MRAS: variants seen among roughly 807,000 people sequenced by gnomAD.
MRAS encodes the protein muscle RAS oncogene homolog.
In MRAS, 4 loss-of-function variants were observed where a neutral mutation model predicts 20.9. The observed-to-expected ratio is 0.19, with a 90% CI of 0.09 to 0.44. The LOEUF is 0.44. Among genes scored for constraint, MRAS ranks in the 20% least tolerant of loss-of-function variants. MRAS has a pLI of 0.99. For missense variants in MRAS, 154 were observed against 277.5 expected, an observed-to-expected ratio of 0.56 and a Z score of 3.16; for synonymous variants, 98 against 102.9, an observed-to-expected ratio of 0.95 and a Z score of 0.29.
intron 1 of MRAS, among the ~76,000 whole-genome samples, chr3:138,362,756 A>G (rs1468065831): frequency 2.6e-5 from 4 of 152,062 alleles, no homozygotes; most frequent in Admixed American, 2.6e-4. Flanking sequence ...TTCATCATGC[A>G]GTGCTTATTA....
intron 2 of MRAS, among the ~76,000 whole-genome samples, chr3:138,382,776 T>TCC (rs1560177924): frequency 6.6e-6 from 1 of 152,246 alleles, no homozygotes; most frequent in Non-Finnish European, 1.5e-5. Context: ...TTTTCCACTT[T>TCC]CCTTGCTGAC....
chr3:138,377,468 C>T (rs1199641388), intron 2 of MRAS, among the ~76,000 whole-genome samples: 2 of 152,198 alleles, frequency 1.3e-5, no homozygotes, highest in African/African-American at 4.8e-5. Context: ...ATTAGCCAGG[C>T]CTGGTGGCGC....
chr3:138,374,152 G>A (rs944356355), intron 2 of MRAS, among the ~76,000 whole-genome samples: 7 of 151,736 alleles, frequency 4.6e-5, no homozygotes, highest in African/African-American at 9.7e-5. Context: ...TAGTAGAGAC[G>A]GGGTTTCACC....
intron 1 of MRAS, among the ~76,000 whole-genome samples, chr3:138,370,698 G>C (rs1417347393): frequency 1.3e-5 from 2 of 152,172 alleles, no homozygotes; most frequent in East Asian, 3.8e-4. Flanking sequence ...AACATTTTCA[G>C]GTGGCTTGAA....
chr3:138,400,651 G>A, intron 5 of MRAS, 38 bp downstream of exon 5: 2 of 1,536,734 alleles, frequency 1.3e-6, no homozygotes, highest in Non-Finnish European at 1.8e-6. Flanking sequence ...GGCCTCCACA[G>A]CATGGGTTGG....
Position 138,372,968 on chromosome 3 carries a change from C to G in MRAS, c.85C>G (p.Leu29Val). Residue 29 changes from leucine to valine, a missense_variant, in exon 2 of 6, where the codon CTC becomes GTC. Leu to Val is a conservative substitution (Grantham distance 32). Around this residue, in one of 3 missense-constraint regions of MRAS, gnomAD observed 27 missense variants for 42.0 expected, o/e 0.64. Coordinates refer to ENST00000423968, the MANE Select transcript of MRAS (RefSeq NM_001085049.3). ...VGDGGVGKSA[L>V]TIQFFQKIFV... ...GGATGGGGGTGTGGGCAAAAGTGCCCTCACCATCCAGTTTTTCCAGAAGAT... is the reference window on the plus strand; with the variant it reads ...GGATGGGGGTGTGGGCAAAAGTGCCGTCACCATCCAGTTTTTCCAGAAGAT... 1.9e-6 allele frequency: 3 copies of G among 1,572,362 alleles called. No homozygotes were observed. The highest frequency in any genetic ancestry group is 1.7e-6 in the Non-Finnish European group (2 of 1,161,942).
chr3:138,372,481 G>T (rs544179094), intron 1 of MRAS, among the ~76,000 whole-genome samples: 2 of 152,124 alleles, frequency 1.3e-5, no homozygotes, highest in Non-Finnish European at 2.9e-5. Context: ...AATAAGAGGG[G>T]ATGTGAAAGA....
At chr3:138,349,513 G>T (rs1444902693) in intron 1 of MRAS, 1 of 152,398 alleles carries the variant, frequency 6.6e-6, no homozygotes, top group East Asian at 1.9e-4. Context: ...TGGACACCCA[G>T]TTAGACTCTG....
At chr3:138,362,830 T>G (rs1164920841) in intron 1 of MRAS, among the ~76,000 whole-genome samples, 5 of 152,174 alleles carry the variant, frequency 3.3e-5, no homozygotes, top group African/African-American at 1.2e-4. Context: ...ATCCCTTGTT[T>G]CCAGGGAGCC....
chr3:138,368,624 A>C (rs2054613190), intron 1 of MRAS, among the ~76,000 whole-genome samples: 2 of 152,068 alleles, frequency 1.3e-5, no homozygotes, highest in African/African-American at 2.4e-5. Context: ...TCATCCTCAA[A>C]AGTGAAGACC....
At chr3:138,354,784 T>C (rs1276410432) in intron 1 of MRAS, among the ~76,000 whole-genome samples, 1 of 151,684 alleles carries the variant, frequency 6.6e-6, no homozygotes, top group African/African-American at 2.4e-5. Flanking sequence ...AACAAAATGC[T>C]TTTTGTTGTT....
intron 2 of MRAS, among the ~76,000 whole-genome samples, chr3:138,375,079 A>G (rs889829937): frequency 1.3e-5 from 2 of 152,036 alleles, no homozygotes; most frequent in African/African-American, 2.4e-5. Flanking sequence ...ATTGGGGGGA[A>G]TCTCCCATTG....
chr3:138,379,973 C>T (rs1171500725), intron 2 of MRAS, among the ~76,000 whole-genome samples: 1 of 152,220 alleles, frequency 6.6e-6, no homozygotes, highest in African/African-American at 2.4e-5. Context: ...CTTTTCTCCA[C>T]ATCTTCCCTA....
chr3:138,397,307 G>T lies in MRAS; in HGVS notation c.194-17G>T. 3.1e-6 allele frequency: 5 copies of T among 1,613,298 alleles called. No individual in the cohort carries two copies. The highest frequency in any genetic ancestry group is 3.4e-6 in the Non-Finnish European group (4 of 1,179,628). On this transcript the variant is annotated splice_polypyrimidine_tract_variant and intron_variant, in intron 2 of 5. Transcript: ENST00000423968. ...GGTAGGTGAGGACAGCCCCTGAGTGGCCTCATCCCACCCCAGTTCTGGACA... is the reference window on the plus strand; with the variant it reads ...GGTAGGTGAGGACAGCCCCTGAGTGTCCTCATCCCACCCCAGTTCTGGACA...
chr3:138,398,629 C>T, intron 4 of MRAS, 61 bp downstream of exon 4: 1 of 1,425,728 alleles, frequency 7.0e-7, no homozygotes, highest in Non-Finnish European at 9.9e-7. Context: ...AGCCTGGTCA[C>T]CCCTGCAGTC....
At chr3:138,362,338 C>A (rs979961661) in intron 1 of MRAS, among the ~76,000 whole-genome samples, 4 of 152,104 alleles carry the variant, frequency 2.6e-5, no homozygotes, top group Admixed American at 1.3e-4. Context: ...TAGCCTGTGC[C>A]CTTGGTAGAA....
intron 1 of MRAS, among the ~76,000 whole-genome samples, chr3:138,356,888 C>T (rs2054345528): frequency 6.6e-6 from 1 of 152,248 alleles, no homozygotes; most frequent in Non-Finnish European, 1.5e-5. Flanking sequence ...CCCCTACTCA[C>T]TGACCCCGTC....
At chr3:138,381,389 G>A (rs577951622) in intron 2 of MRAS, among the ~76,000 whole-genome samples, 1 of 152,298 alleles carries the variant, frequency 6.6e-6, no homozygotes, top group East Asian at 1.9e-4. Context: ...GCCAGGTTTT[G>A]GGCTTCTTGA....
chr3:138,403,612 A>C lies in MRAS; in HGVS notation c.*1343A>C, dbSNP rs921494718. On this transcript the variant is annotated 3_prime_UTR_variant, in exon 6 of 6. Transcript: ENST00000423968. ...CCTTCTGCAAGGGGGCAGTCTCCCC[A>C]GCTCCCTGATGATGCTCACCCCCGC... 6.6e-6 allele frequency: 1 copy of C among 152,642 alleles called. No individual in the cohort carries two copies. The highest frequency in any genetic ancestry group is 2.4e-5 in the African/African-American group (1 of 41,446). The allele number at this position is 152,642 out of a possible 1,614,324, so 9.5% of individuals were successfully genotyped here.
Sources: gnomAD v4.1 joint callset for allele counts (sites outside exome capture counted in the v4.1 genomes callset) on GRCh38, gnomAD v4.1.1 for gene constraint, gnomAD v4.1.1 regional missense constraint, MANE v1.5 for transcripts, NCBI Gene and HGNC (gene_info 2026-07-23, HGNC 2026-07-21) for gene names.